The following SLCO3A1 variants were observed in gnomAD, a reference collection of about 807,000 sequenced individuals.
SLCO3A1 encodes solute carrier organic anion transporter family member 3A1.
SLCO3A1 carries 27 observed loss-of-function variants against 63.1 expected under a neutral mutation model. The ratio of observed to expected loss-of-function variants is 0.43; its 90% confidence interval spans 0.32 to 0.59. The LOEUF (loss-of-function observed/expected upper bound fraction) is 0.59, where lower values mean the gene tolerates loss of function less well. Among genes scored for constraint, SLCO3A1 ranks in the 20% least tolerant of loss-of-function variants. The pLI is 0.09. For synonymous variants in SLCO3A1, 473 were observed against 409.9 expected (o/e 1.15, Z -1.86); for missense variants, 773 against 945.8 (o/e 0.82, Z 2.40).
At chr15:91,991,596 G>T (rs2151444576) in intron 2 of SLCO3A1, among the ~76,000 whole-genome samples, 1 of 152,264 alleles carries the variant, frequency 6.6e-6, no homozygotes, top group Non-Finnish European at 1.5e-5. Context: ...AGTTAAAAGA[G>T]AACAGATGAA....
chr15:92,165,939 C>T (rs2048490543), downstream of SLCO3A1: 1 of 978,206 alleles, frequency 1.0e-6, no homozygotes, highest in Non-Finnish European at 1.2e-6. Flanking sequence ...CAAACTCCTA[C>T]ACCATCTCAG....
intron 2 of SLCO3A1, among the ~76,000 whole-genome samples, chr15:91,975,383 G>A (rs1002525116): frequency 5.3e-5 from 8 of 152,228 alleles, no homozygotes; most frequent in African/African-American, 1.7e-4. Context: ...GTCCCCTGCA[G>A]TTGGCTCCCT....
At chr15:91,918,036 C>T (rs72751903) in intron 2 of SLCO3A1, among the ~76,000 whole-genome samples, 9,047 of 152,306 alleles carry the variant, frequency 0.059, 384 homozygotes, top group Non-Finnish European at 0.091. Flanking sequence ...GAAGTCCTAA[C>T]AGTGCTGTAT....
intron 2 of SLCO3A1, among the ~76,000 whole-genome samples, chr15:91,963,408 T>TGGC (rs1555418588): frequency 2.2e-4 from 5 of 22,914 alleles, no homozygotes; most frequent in African/African-American, 1.5e-3. Context: ...TCGGGGAGGG[T>TGGC]GGGGGGGGGG....
At chr15:92,159,544 C>T (rs1182495066) in intron 9 of SLCO3A1, among the ~76,000 whole-genome samples, 2 of 147,942 alleles carry the variant, frequency 1.4e-5, no homozygotes, top group African/African-American at 2.5e-5. Flanking sequence ...TTGAACAGAG[C>T]ATAGCATGAA....
intron 2 of SLCO3A1, among the ~76,000 whole-genome samples, chr15:92,013,833 A>G (rs2046395983): frequency 6.6e-6 from 1 of 152,194 alleles, no homozygotes; most frequent in Non-Finnish European, 1.5e-5. Context: ...TGACTGGACA[A>G]GATGCTGAAC....
intron 1 of SLCO3A1, 55 bp from the exon 2 acceptor site, chr15:91,915,938 G>A: frequency 6.8e-7 from 1 of 1,463,216 alleles, no homozygotes; most frequent in Non-Finnish European, 9.5e-7. Flanking sequence ...GGGAAGGAGA[G>A]GCTTCCTGGG....
At chr15:91,946,848 C>T (rs1232001434) in intron 2 of SLCO3A1, among the ~76,000 whole-genome samples, 1 of 152,142 alleles carries the variant, frequency 6.6e-6, no homozygotes, top group Non-Finnish European at 1.5e-5. Flanking sequence ...GGCAGGTCGG[C>T]GTCCTTCTGC....
rs1460390350 is a variant in SLCO3A1, at chr15:91,883,101, T to A, written c.180+29013T>A. ...GAGCCATGTGCTCCAGCCATTCAGA[T>A]TCCAGTCCTCTCTGTCAGCTCCTCT... On this transcript the variant is annotated intron_variant, in intron 1 of 9. Transcript: ENST00000318445. The surrounding 1 kb of genome is among the most constrained non-coding windows in gnomAD (Gnocchi z 4.8). Among the ~76,000 whole-genome samples the A allele has an allele frequency of 6.6e-6, 1 of 152,224 alleles. No individual in the cohort carries two copies. Among genetic ancestry groups the A allele is most frequent in the Non-Finnish European group, 1.5e-5 (1 of 68,034 alleles).
At chr15:91,945,014 G>A (rs1250122573) in intron 2 of SLCO3A1, among the ~76,000 whole-genome samples, 3 of 152,188 alleles carry the variant, frequency 2.0e-5, no homozygotes, top group Non-Finnish European at 4.4e-5. Flanking sequence ...TCTGAGCTAT[G>A]AACTGTATAT....
At chr15:92,123,591 A>G (rs2047888514) in intron 5 of SLCO3A1, among the ~76,000 whole-genome samples, 1 of 152,102 alleles carries the variant, frequency 6.6e-6, no homozygotes, top group Admixed American at 6.5e-5. Flanking sequence ...TATTGGCAAA[A>G]TGCAGTCAGC....
chr15:91,950,219 G>A lies in SLCO3A1; in HGVS notation c.646+33761G>A, dbSNP rs924254537. Among the ~76,000 whole-genome samples the A allele has an allele frequency of 6.6e-6, 1 of 152,164 alleles. No homozygotes were observed. Among genetic ancestry groups the A allele is most frequent in the Non-Finnish European group, 1.5e-5 (1 of 68,038 alleles). ...AGGGAGGCCTGATGGTATGGAGTCT[G>A]CATGCTCAGGGCTGCCTGCTGTGGC... On this transcript the variant is annotated intron_variant, in intron 2 of 9. Transcript: ENST00000318445. The surrounding 1 kb of genome is among the most constrained non-coding windows in gnomAD (Gnocchi z 4.4).
chr15:91,891,772 G>C (rs1255602474), intron 1 of SLCO3A1, among the ~76,000 whole-genome samples: 8 of 152,202 alleles, frequency 5.3e-5, no homozygotes, highest in Non-Finnish European at 7.3e-5. Context: ...ATCAAACCCA[G>C]GTATATTCCT....
At chr15:92,101,219 T>C (rs1197741241) in intron 3 of SLCO3A1, among the ~76,000 whole-genome samples, 2 of 152,146 alleles carry the variant, frequency 1.3e-5, no homozygotes, top group Admixed American at 1.3e-4. Context: ...ATAAAAATTA[T>C]ATTTGTTAGC....
rs561667223 is a variant in SLCO3A1, at chr15:92,054,200, A to G, written c.647-40681A>G. ...CGTACCCCATCGATGTTCATTTTCC[A>G]GCAACTTTTTACTTTCTGGCTCTAT... On this transcript the variant is annotated intron_variant, in intron 2 of 9. Transcript: ENST00000318445. 2.0e-5 allele frequency among the ~76,000 whole-genome samples: 3 copies of G among 152,272 alleles called. No individual in the cohort carries two copies. In the South Asian group the frequency reaches 6.2e-4, roughly 32 times the overall value.
intron 2 of SLCO3A1, among the ~76,000 whole-genome samples, chr15:91,919,911 ACAATT>A (rs1036982404): frequency 3.9e-5 from 6 of 152,224 alleles, no homozygotes; most frequent in African/African-American, 1.4e-4. Flanking sequence ...TATGGTGTAC[ACAATT>A]CTATTCTCTC....
chr15:92,047,563 T>A (rs1336941352), intron 2 of SLCO3A1, among the ~76,000 whole-genome samples: 1,446 of 8,796 alleles, frequency 0.16, 422 homozygotes, highest in African/African-American at 0.56. Flanking sequence ...TATATAAATA[T>A]ATATATAAAT....
At chr15:92,071,488 T>C (rs1262552072) in intron 2 of SLCO3A1, among the ~76,000 whole-genome samples, 2 of 152,186 alleles carry the variant, frequency 1.3e-5, no homozygotes, top group Non-Finnish European at 2.9e-5. Flanking sequence ...AAAATATATG[T>C]TCAGGGGAAA....
rs1233436387 is a variant in SLCO3A1 at position 91,948,962 on chromosome 15, C to T, written c.646+32504C>T. On this transcript the variant is annotated intron_variant, in intron 2 of 9. Coordinates refer to ENST00000318445, the MANE Select transcript of SLCO3A1 (RefSeq NM_013272.4). The surrounding 1 kb of genome is among the most constrained non-coding windows in gnomAD (Gnocchi z 4.8). ...TTTACTATTATTTCTGCTTACCTCA[C>T]CTTTTGGGGGAATCATTCCCTCCAT... Among the ~76,000 whole-genome samples the T allele has an allele frequency of 1.3e-5, 2 of 152,020 alleles. No homozygotes were observed. The highest frequency in any genetic ancestry group is 2.4e-5 in the African/African-American group (1 of 41,360).
Sources: allele counts gnomAD v4.1 joint callset (sites outside exome capture counted in the v4.1 genomes callset), GRCh38; gene constraint gnomAD v4.1.1; non-coding constraint Gnocchi (gnomAD v3.1); transcripts MANE v1.5; gene names NCBI Gene and HGNC (gene_info 2026-07-23, HGNC 2026-07-21).